Variants in FAM161A observed in about 807,000 individuals in gnomAD.
FAM161A encodes protein FAM161A.
A neutral mutation model predicts 70.9 loss-of-function variants in FAM161A; 57 were observed. The observed-to-expected ratio is 0.80, with a 90% confidence interval of 0.65 to 1.00. The LOEUF is 1.00. Among genes scored for constraint, FAM161A ranks in the 50% least tolerant of loss-of-function variants. The pLI is 0.00. For synonymous variants in FAM161A, 299 were observed against 295.7 expected (o/e 1.01, Z -0.12); for missense variants, 880 against 836.0 (o/e 1.05, Z -0.65).
chr2:61,808,147 G>A, the FAM161A span, among the ~76,000 whole-genome samples: 1 of 152,218 alleles, frequency 6.6e-6, no homozygotes, highest in African/African-American at 2.4e-5. Context: ...CAATCTCTGA[G>A]GGGGCAGAGA....
the FAM161A span, among the ~76,000 whole-genome samples, chr2:61,817,556 T>C: frequency 1.3e-5 from 2 of 152,172 alleles, no homozygotes; most frequent in African/African-American, 2.4e-5. Flanking sequence ...GCACAGAGCC[T>C]GGTGGAGTCT....
intron 5 of FAM161A, among the ~76,000 whole-genome samples, chr2:61,834,821 AAAATAAAT>A (rs201496756): frequency 1.3e-5 from 2 of 152,044 alleles, no homozygotes; most frequent in African/African-American, 4.8e-5. Context: ...AAAAGTTGAA[AAAATAAAT>A]AAATAAATAA....
the FAM161A span, among the ~76,000 whole-genome samples, chr2:61,800,651 G>T: frequency 5.9e-5 from 9 of 151,774 alleles, no homozygotes; most frequent in African/African-American, 2.2e-4. Context: ...TACAAGAGAG[G>T]CTGGGCATTC....
In FAM161A at chr2:61,854,026, G is replaced by C. The variant is rs1219023272; in HGVS notation, c.16C>G (p.Arg6Gly). ...CTGGAGGCCACCAGCTTCGCCACTC[G>C]GTGGGAGGTGGCCATCGCCCCGCCT... MATSH[R>G]VAKLVASSLQ... Residue 6 changes from arginine (R) to glycine (G), a missense_variant, in exon 1 of 7, where the codon CGA becomes GGA. Transcript: ENST00000404929. 6.2e-7 allele frequency: 1 copy of C among 1,609,794 alleles called. No homozygotes were observed. The highest frequency in any genetic ancestry group is 1.3e-5 in the African/African-American group (1 of 74,856).
At chr2:61,829,318 C>T (rs575038698) in intron 5 of FAM161A, among the ~76,000 whole-genome samples, 1 of 152,162 alleles carries the variant, frequency 6.6e-6, no homozygotes, top group East Asian at 1.9e-4. Flanking sequence ...TTTGCCAAAT[C>T]TAGTATAATG....
At chr2:61,846,738 G>T in intron 1 of FAM161A, 2 of 316,510 alleles carry the variant, frequency 6.3e-6, no homozygotes, top group South Asian at 4.7e-5. Flanking sequence ...TACAAGGCTA[G>T]AGGAGAAAGA....
At position 61,840,601 on chromosome 2, in the gene FAM161A, A is replaced by AT; in HGVS notation, c.423-21dup. 1 of 1,476,112 alleles carries AT rather than the reference A, an allele frequency of 6.8e-7. No homozygotes were observed. The highest frequency in any genetic ancestry group is 9.5e-7 in the Non-Finnish European group (1 of 1,054,568). 91.4% of individuals were successfully genotyped at this position (1,476,112 alleles called of 1,614,324 possible). A position where few individuals can be genotyped will look rare whatever the true frequency, so the allele number is the denominator to read the frequency against. ...ACAGATCTAAATGAGAAGAATAACTATGTTATACTTTCAGTTGTATGTGAC... is the reference window on the plus strand; with the variant it reads ...ACAGATCTAAATGAGAAGAATAACTATTGTTATACTTTCAGTTGTATGTGAC... On this transcript the variant is annotated intron_variant, in intron 2 of 6. Coordinates refer to ENST00000404929, the MANE Select transcript of FAM161A (RefSeq NM_001201543.2).
At chr2:61,803,993 G>C in the FAM161A span, among the ~76,000 whole-genome samples, 8 of 152,234 alleles carry the variant, frequency 5.3e-5, no homozygotes, top group South Asian at 1.7e-3. Context: ...GAAAGTAAAG[G>C]AATAAAAGAA....
the FAM161A span, among the ~76,000 whole-genome samples, chr2:61,818,467 T>C: frequency 0.041 from 6,318 of 152,286 alleles, 164 homozygotes; most frequent in African/African-American, 0.077. Context: ...TTGGATTTCT[T>C]CTTGTTCCAG....
Position 61,839,856 on chromosome 2 carries a change from C to T in FAM161A, c.1148G>A (p.Arg383Lys). Reference protein sequence around the residue: ...LKEEELYRNLRTQLRAQEHLQ... With the variant: ...LKEEELYRNLKTQLRAQEHLQ... ...ATGCTCCTGGGCTCTCAGCTGTGTC[C>T]TAAGGTTTCGATAGAGCTCTTCTTC... is the stretch of plus-strand genomic sequence containing the variant. The change falls in exon 3 of 7, where the codon AGG becomes AAG. Residue 383 changes from arginine (R) to lysine (K), a missense_variant. By Grantham distance (26) the Arg-to-Lys change is conservative (BLOSUM62 2). Coordinates refer to ENST00000404929, the MANE Select transcript of FAM161A (RefSeq NM_001201543.2). 2 of 1,614,168 alleles carry T rather than the reference C, an allele frequency of 1.2e-6. No individual in the cohort carries two copies. Among genetic ancestry groups the T allele is most frequent in the South Asian group, 2.2e-5 (2 of 91,078 alleles).
Position 61,839,579 on chromosome 2 carries a change from G to A in FAM161A, c.1425C>T (p.Asp475=). 1 of 1,614,202 alleles carries A rather than the reference G, an allele frequency of 6.2e-7. No individual in the cohort carries two copies. Among genetic ancestry groups the A allele is most frequent in the African/African-American group, 1.3e-5 (1 of 75,056 alleles). Residue 475 remains aspartate (D), a synonymous_variant, in exon 3 of 7, where the codon GAC becomes GAT. Transcript: ENST00000404929. ...ASIKREKILA[D]IEADEENLKE... is the part of the protein sequence containing the mutation. ...TTAAATTTTCTTCATCTGCTTCGATGTCTGCCAAAATTTTTTCTCTTTTAA... is the reference window on the plus strand; with the variant it reads ...TTAAATTTTCTTCATCTGCTTCGATATCTGCCAAAATTTTTTCTCTTTTAA...
chr2:61,815,155 T>C, the FAM161A span, among the ~76,000 whole-genome samples: 1 of 152,182 alleles, frequency 6.6e-6, no homozygotes, highest in African/African-American at 2.4e-5. Context: ...CCACACAGCT[T>C]CCATACAATC....
rs988374087 is a variant in FAM161A, at chr2:61,825,503, A to G, written c.*952T>C. 3 of 442,320 alleles carry G rather than the reference A, an allele frequency of 6.8e-6. No individual in the cohort carries two copies. The highest frequency in any genetic ancestry group is 1.6e-5 in the South Asian group (1 of 60,884). The allele number at this position is 442,320 out of a possible 1,614,324, so 27.4% of individuals were successfully genotyped here. On this transcript the variant is annotated 3_prime_UTR_variant, in exon 7 of 7. Transcript: ENST00000404929. Reference sequence around the variant, plus strand: ...AAAAAACTAGTATAAAAACTTTCCTAATAATTTACAAATCAAAAATAATTT... The same window carrying G: ...AAAAAACTAGTATAAAAACTTTCCTGATAATTTACAAATCAAAAATAATTT...
chr2:61,825,485 T>C lies in FAM161A; in HGVS notation c.*970A>G, dbSNP rs79762051. 2.8e-4 allele frequency: 127 copies of C among 448,292 alleles called. No homozygotes were observed. Among genetic ancestry groups the C allele is most frequent in the African/African-American group, 2.2e-3 (109 of 49,654 alleles). The allele number at this position is 448,292 out of a possible 1,614,324, so 27.8% of individuals were successfully genotyped here. On this transcript the variant is annotated 3_prime_UTR_variant, in exon 7 of 7. Transcript: ENST00000404929. ...TAATAATACATAGGGTTAAAAAAAC[T>C]AGTATAAAAACTTTCCTAATAATTT...
rs1467434076 is a variant in FAM161A at position 61,826,258 on chromosome 2, C to T, written c.*197G>A. 1 of 703,486 alleles carries T rather than the reference C, an allele frequency of 1.4e-6. No individual in the cohort carries two copies. The highest frequency in any genetic ancestry group is 3.7e-4 in the Middle Eastern group (1 of 2,708). 43.6% of individuals were successfully genotyped at this position (703,486 alleles called of 1,614,324 possible). ...AGATAATACACAATGATTTTTAAAACTGAATAGGCAAAGCCTTACTCTAAC... is the reference window on the plus strand; with the variant it reads ...AGATAATACACAATGATTTTTAAAATTGAATAGGCAAAGCCTTACTCTAAC... On this transcript the variant is annotated 3_prime_UTR_variant, in exon 7 of 7. Coordinates refer to ENST00000404929, the MANE Select transcript of FAM161A (RefSeq NM_001201543.2).
chr2:61,853,697 C>T (rs1419175028), intron 1 of FAM161A, among the ~76,000 whole-genome samples, 162 bp downstream of exon 1: 1 of 152,162 alleles, frequency 6.6e-6, no homozygotes, highest in East Asian at 1.9e-4. Flanking sequence ...GAGTAATTTT[C>T]GTGAGCGTAG....
intron 1 of FAM161A, among the ~76,000 whole-genome samples, chr2:61,851,641 G>A (rs547842097): frequency 5.9e-5 from 9 of 152,216 alleles, no homozygotes; most frequent in African/African-American, 2.2e-4. Context: ...ACAGAATACT[G>A]CGTTACCTGT....
chr2:61,834,852 C>T (rs1233198080), intron 5 of FAM161A, among the ~76,000 whole-genome samples: 3 of 151,920 alleles, frequency 2.0e-5, no homozygotes, highest in Non-Finnish European at 4.4e-5. Flanking sequence ...AAGAAAAACC[C>T]AGAAGCAGTG....
chr2:61,831,581 CA>C (rs1672576559), intron 5 of FAM161A, among the ~76,000 whole-genome samples: 1 of 152,068 alleles, frequency 6.6e-6, no homozygotes, highest in East Asian at 1.9e-4. Context: ...GGCAGGAAAA[CA>C]ATATGATAGA....
Sources: allele counts gnomAD v4.1 joint callset (sites outside exome capture counted in the v4.1 genomes callset), GRCh38; gene constraint gnomAD v4.1.1; transcripts MANE v1.5; gene names NCBI Gene and HGNC (gene_info 2026-07-23, HGNC 2026-07-21).